Variants in AGBL2 observed in about 807,000 individuals in gnomAD.
The protein encoded by AGBL2 is cytosolic carboxypeptidase 2.
A neutral mutation model predicts 103.0 loss-of-function variants in AGBL2; 87 were observed. The observed-to-expected ratio is 0.84, with a 90% CI of 0.71 to 1.01. AGBL2 has a LOEUF of 1.01. Ranked by LOEUF, AGBL2 falls within the 50% of genes least tolerant of loss-of-function variation. AGBL2 has a pLI of 0.00. For missense variants in AGBL2, 904 were observed against 1,023.5 expected, an observed-to-expected ratio of 0.88 and a Z score of 1.59; for synonymous variants, 335 against 356.7, an observed-to-expected ratio of 0.94 and a Z score of 0.69.
intron 15 of AGBL2, among the ~76,000 whole-genome samples, chr11:47,668,570 T>C (rs1332828722): frequency 2.0e-5 from 3 of 152,226 alleles, no homozygotes; most frequent in African/African-American, 7.2e-5. Context: ...ATCAGATTAC[T>C]TATGGCAATA....
chr11:47,689,547 C>T (rs539188201), intron 10 of AGBL2, among the ~76,000 whole-genome samples: 5 of 151,906 alleles, frequency 3.3e-5, no homozygotes, highest in Non-Finnish European at 7.4e-5. Flanking sequence ...CCAGGTAATC[C>T]GCCCACTTCA....
intron 10 of AGBL2, 131 bp from the exon 11 acceptor site, chr11:47,686,180 C>A: frequency 2.3e-6 from 2 of 863,208 alleles, no homozygotes; most frequent in South Asian, 1.7e-5. Flanking sequence ...ACTCCATTGG[C>A]CTTCAATGGA....
At chr11:47,706,108 A>G (rs956675366) in intron 4 of AGBL2, among the ~76,000 whole-genome samples, 191 bp from the exon 5 acceptor site, 1 of 152,248 alleles carries the variant, frequency 6.6e-6, no homozygotes, top group African/African-American at 2.4e-5. Flanking sequence ...AAAGCTGCAC[A>G]ATGTCACTCA....
chr11:47,681,499 G>A (rs1337287790), intron 12 of AGBL2, among the ~76,000 whole-genome samples: 5 of 151,950 alleles, frequency 3.3e-5, no homozygotes, highest in Admixed American at 6.6e-5. Context: ...ACAGAGTCTC[G>A]CTCTGTCACC....
At chr11:47,710,093 T>C in intron 4 of AGBL2, 1 of 294,192 alleles carries the variant, frequency 3.4e-6, no homozygotes. Context: ...TTTGCCATGC[T>C]GGTCAGACTG....
At chr11:47,666,391 CAA>C (rs35531290) in intron 17 of AGBL2, among the ~76,000 whole-genome samples, 6 of 111,396 alleles carry the variant, frequency 5.4e-5, no homozygotes, top group Middle Eastern at 4.8e-3. Flanking sequence ...GACTCCATCT[CAA>C]AAAAAAAAAA....
intron 4 of AGBL2, among the ~76,000 whole-genome samples, chr11:47,706,535 A>G (rs767334537): frequency 6.6e-6 from 1 of 152,038 alleles, no homozygotes; most frequent in Non-Finnish European, 1.5e-5. Flanking sequence ...ATAAATAAAA[A>G]TAAAAATAAA....
intron 17 of AGBL2, among the ~76,000 whole-genome samples, chr11:47,663,962 C>G (rs1324569589): frequency 1.3e-5 from 2 of 152,080 alleles, no homozygotes; most frequent in Non-Finnish European, 2.9e-5. Flanking sequence ...TCAAGCGATT[C>G]TCCTGCCTCA....
intron 10 of AGBL2, 68 bp downstream of exon 10, chr11:47,690,008 T>C: frequency 7.3e-7 from 1 of 1,367,070 alleles, no homozygotes. Flanking sequence ...TCATACCCCA[T>C]CAGGTAGGGA....
At position 47,660,204 on chromosome 11, in the gene AGBL2, T is replaced by C. The variant is rs748126466; in HGVS notation, c.2678A>G (p.Tyr893Cys). The C allele has an allele frequency of 5.7e-5, 92 of 1,613,992 alleles. No individual in the cohort carries two copies. Among genetic ancestry groups the C allele is most frequent in the Non-Finnish European group, 5.6e-5 (66 of 1,180,040 alleles). ...GTATGTGTATATGTGCAAGGATGGG[T>C]ATGCCGCCATGGCAGCACAGCCTCT... The part of the protein sequence containing the change: ...TKRGCAAMAA[Y>C]PSLHIYTYP Residue 893 changes from tyrosine (Y) to cysteine (C), a missense_variant, in exon 19 of 19, where the codon TAC becomes TGC. Transcript: ENST00000525123.
intron 14 of AGBL2, among the ~76,000 whole-genome samples, chr11:47,672,946 G>A (rs913199751): frequency 6.6e-6 from 1 of 152,188 alleles, no homozygotes; most frequent in Non-Finnish European, 1.5e-5. Flanking sequence ...TAGCCAGTAA[G>A]TTAGAGTAGA....
Position 47,664,472 on chromosome 11 carries a change from C to T in AGBL2, c.2449-1360G>A, listed in dbSNP as rs200110076. 4.0e-5 allele frequency among the ~76,000 whole-genome samples: 6 copies of T among 149,108 alleles called. 1 individual carries two copies. The South Asian group carries it at 6.4e-4, about 16-fold the overall frequency. On this transcript the variant is annotated intron_variant, in intron 17 of 18. Transcript: ENST00000525123. ...TATTGCCCAGGCTGGAGTGCAGTGG[C>T]GTGATCTCGGCTCACTGCAACCTCT...
intron 7 of AGBL2, 131 bp from the exon 8 acceptor site, chr11:47,699,684 A>C: frequency 3.8e-6 from 2 of 522,194 alleles, no homozygotes; most frequent in Non-Finnish European, 3.3e-6. Context: ...TCCCACCCTA[A>C]ATTTCCTGCT....
At chr11:47,681,490 CAG>C (rs1357074748) in intron 12 of AGBL2, among the ~76,000 whole-genome samples, 5 of 152,136 alleles carry the variant, frequency 3.3e-5, no homozygotes, top group Admixed American at 2.0e-4. Context: ...TGTTTTGAGA[CAG>C]AGTCTCGCTC....
intron 18 of AGBL2, among the ~76,000 whole-genome samples, chr11:47,662,595 C>T (rs1351120123): frequency 2.0e-5 from 3 of 150,802 alleles, no homozygotes; most frequent in Admixed American, 6.6e-5. Context: ...CGGGTTCAAG[C>T]GATTCTCCTG....
chr11:47,696,058 C>T (rs1298117145), intron 8 of AGBL2, among the ~76,000 whole-genome samples: 6 of 115,846 alleles, frequency 5.2e-5, no homozygotes, highest in African/African-American at 1.9e-4. Context: ...ATTAGCTGGG[C>T]GTGGTGGCGC....
intron 14 of AGBL2, among the ~76,000 whole-genome samples, chr11:47,673,533 G>A (rs1000876201): frequency 6.6e-6 from 1 of 152,076 alleles, no homozygotes; most frequent in Admixed American, 6.6e-5. Flanking sequence ...ACTGAGGCAG[G>A]AGAATCGCTT....
At chr11:47,674,377 G>GGTCAGGAGTTCGAGACCA (rs1283966331) in intron 14 of AGBL2, among the ~76,000 whole-genome samples, 2 of 151,902 alleles carry the variant, frequency 1.3e-5, no homozygotes, top group Non-Finnish European at 2.9e-5. Context: ...GCCTATCCTA[G>GGTCAGGAGTTCGAGACCA]GCAACACAGT....
At chr11:47,692,290 A>G in intron 8 of AGBL2, 34 bp from the exon 9 acceptor site, 2 of 1,600,880 alleles carry the variant, frequency 1.2e-6, no homozygotes, top group East Asian at 4.5e-5. Flanking sequence ...GCTAGGTTCT[A>G]CTCAGAATCC....
Sources: gnomAD v4.1 joint callset for allele counts (sites outside exome capture counted in the v4.1 genomes callset) on GRCh38, gnomAD v4.1.1 for gene constraint, MANE v1.5 for transcripts, NCBI Gene and HGNC (gene_info 2026-07-23, HGNC 2026-07-21) for gene names.